The following KCNH1 variants were observed in gnomAD, a reference collection of about 807,000 sequenced individuals.
The protein encoded by KCNH1 is voltage-gated delayed rectifier potassium channel KCNH1.
Under a neutral mutation model 69.2 loss-of-function variants are expected in KCNH1, and 27 were observed. The ratio of observed to expected loss-of-function variants is 0.39; its 90% confidence interval spans 0.29 to 0.54. The LOEUF (loss-of-function observed/expected upper bound fraction) is 0.54, where lower values mean the gene tolerates loss of function less well. KCNH1 is among the 20% of genes least tolerant of loss of function. The pLI is 0.68. For missense variants in KCNH1, 798 were observed against 1,261.6 expected (o/e 0.63, Z 5.57); for synonymous variants, 456 against 487.7 (o/e 0.93, Z 0.86).
chr1:211,116,456 A>G (rs1184414962), intron 1 of KCNH1, among the ~76,000 whole-genome samples: 1 of 152,226 alleles, frequency 6.6e-6, no homozygotes, highest in Non-Finnish European at 1.5e-5. Context: ...CTCTATTTTG[A>G]TAAAGAGTTT....
rs927504163 is a variant in KCNH1 at position 210,968,639 on chromosome 1, T to C, written c.1033-48570A>G. On this transcript the variant is annotated intron_variant, in intron 6 of 10. Coordinates refer to ENST00000271751, the MANE Select transcript of KCNH1 (RefSeq NM_172362.3). ...GCCAGTGATGATGAGCATTTTTTCA[T>C]GTGTTTTTTGGCTGCATAAATGTCT... 4.6e-5 allele frequency among the ~76,000 whole-genome samples: 7 copies of C among 152,016 alleles called. 1 individual carries two copies. The highest frequency in any genetic ancestry group is 1.9e-4 in the East Asian group (1 of 5,154).
At chr1:210,926,799 T>G (rs891985274) in intron 6 of KCNH1, among the ~76,000 whole-genome samples, 4 of 151,868 alleles carry the variant, frequency 2.6e-5, no homozygotes, top group Non-Finnish European at 2.9e-5. Flanking sequence ...GAAGTCCAAC[T>G]TAAAGAAATC....
At chr1:210,859,829 A>G (rs1446637728) in intron 7 of KCNH1, 8 of 1,085,002 alleles carry the variant, frequency 7.4e-6, no homozygotes, top group Non-Finnish European at 1.0e-5. Context: ...TTAAGCCACT[A>G]ATAAAATGAT....
At chr1:210,935,303 T>C (rs1687758114) in intron 6 of KCNH1, among the ~76,000 whole-genome samples, 1 of 152,006 alleles carries the variant, frequency 6.6e-6, no homozygotes, top group South Asian at 2.1e-4. Context: ...CACTCATATA[T>C]GGAAGATAAA....
chr1:210,881,300 G>A (rs1327183146), intron 7 of KCNH1, among the ~76,000 whole-genome samples: 1 of 152,114 alleles, frequency 6.6e-6, no homozygotes, highest in Non-Finnish European at 1.5e-5. Context: ...ACCATGCCCA[G>A]CCAAAACAAT....
intron 7 of KCNH1, among the ~76,000 whole-genome samples, chr1:210,873,832 C>A (rs1375890784): frequency 1.3e-5 from 2 of 151,570 alleles, no homozygotes; most frequent in Non-Finnish European, 2.9e-5. Flanking sequence ...TCAAACAGAC[C>A]AATAATTACA....
At chr1:211,101,184 C>T (rs1691250438) in intron 3 of KCNH1, among the ~76,000 whole-genome samples, 1 of 152,176 alleles carries the variant, frequency 6.6e-6, no homozygotes, top group African/African-American at 2.4e-5. Context: ...GTGGATGCTG[C>T]CCGTTCCCCT....
intron 2 of KCNH1, among the ~76,000 whole-genome samples, chr1:211,104,729 T>C (rs939515891): frequency 6.6e-6 from 1 of 152,218 alleles, no homozygotes; most frequent in Non-Finnish European, 1.5e-5. Flanking sequence ...GCCTTCAGAC[T>C]GCAATAACAA....
intron 7 of KCNH1, among the ~76,000 whole-genome samples, chr1:210,892,235 C>T (rs1201410233): frequency 3.9e-5 from 6 of 151,920 alleles, no homozygotes; most frequent in Non-Finnish European, 8.8e-5. Flanking sequence ...AAAAACAACC[C>T]TTATATCCTG....
chr1:210,761,581 C>T (rs1042496379), intron 10 of KCNH1, among the ~76,000 whole-genome samples: 2 of 152,108 alleles, frequency 1.3e-5, no homozygotes, highest in African/African-American at 4.8e-5. Flanking sequence ...CATAAGACAG[C>T]AGGGGGTCGC....
At chr1:210,934,083 T>C (rs764680959) in intron 6 of KCNH1, among the ~76,000 whole-genome samples, 31 of 152,162 alleles carry the variant, frequency 2.0e-4, no homozygotes, top group Non-Finnish European at 3.4e-4. Flanking sequence ...ATGAAATTAC[T>C]GTAAGAAAAC....
chr1:210,791,342 G>C (rs949016973), intron 9 of KCNH1, among the ~76,000 whole-genome samples: 1 of 152,138 alleles, frequency 6.6e-6, no homozygotes, highest in African/African-American at 2.4e-5. Context: ...ATCACCTCTG[G>C]GGCTAGGGCT....
intron 7 of KCNH1, among the ~76,000 whole-genome samples, chr1:210,806,412 G>A (rs927579571): frequency 1.3e-5 from 2 of 150,846 alleles, no homozygotes; most frequent in African/African-American, 4.9e-5. Context: ...TTTTATTGTT[G>A]AGTTCTAAGA....
At chr1:210,707,505 C>T (rs1315013196) in intron 10 of KCNH1, among the ~76,000 whole-genome samples, 3 of 152,190 alleles carry the variant, frequency 2.0e-5, no homozygotes, top group Admixed American at 6.5e-5. Flanking sequence ...TGTGCTCCCC[C>T]CACGCTGTTT....
chr1:210,865,795 T>C (rs1558503139), intron 7 of KCNH1, among the ~76,000 whole-genome samples: 1 of 152,186 alleles, frequency 6.6e-6, no homozygotes, highest in East Asian at 1.9e-4. Context: ...CTCTTACTTT[T>C]CCCCCAACTC....
In KCNH1 at chr1:210,683,959, T is replaced by C. The variant is rs749658821; in HGVS notation, c.2292A>G (p.Leu764=). 42 of 1,604,438 alleles carry C rather than the reference T, an allele frequency of 2.6e-5. No individual in the cohort carries two copies. The highest frequency in any genetic ancestry group is 3.4e-5 in the Non-Finnish European group (40 of 1,172,270). The change falls in exon 11 of 11, where the codon CTA becomes CTG. Residue 764 remains leucine, a synonymous_variant. Transcript: ENST00000271751. The surrounding 1 kb of genome is among the most constrained non-coding windows in gnomAD (Gnocchi z 5.7). ...AERGGRDLDD[L]DVEKGNVLTE... ...TAAGGACATTGCCCTTCTCCACATC[T>C]AGGTCATCCAGGTCCCGGCCCCCTC...
intron 6 of KCNH1, among the ~76,000 whole-genome samples, chr1:210,986,330 T>A (rs1410048755): frequency 9.9e-5 from 15 of 152,236 alleles, no homozygotes; most frequent in Non-Finnish European, 2.2e-4. Context: ...GTCATTATGA[T>A]GTTAGCTGAT....
At chr1:210,822,626 G>T (rs1157322257) in intron 7 of KCNH1, among the ~76,000 whole-genome samples, 2 of 152,008 alleles carry the variant, frequency 1.3e-5, no homozygotes, top group African/African-American at 4.8e-5. Flanking sequence ...TTTTTATTTT[G>T]CACTGGGTTT....
At chr1:211,097,564 G>T (rs1412220026) in intron 3 of KCNH1, among the ~76,000 whole-genome samples, 5 of 152,172 alleles carry the variant, frequency 3.3e-5, no homozygotes, top group African/African-American at 9.7e-5. Context: ...ATAAATAAAA[G>T]ATAACCCATT....
Sources: allele counts gnomAD v4.1 joint callset (sites outside exome capture counted in the v4.1 genomes callset), GRCh38; gene constraint gnomAD v4.1.1; non-coding constraint Gnocchi (gnomAD v3.1); transcripts MANE v1.5; gene names NCBI Gene and HGNC (gene_info 2026-07-23, HGNC 2026-07-21).